TRPM3: variants seen among roughly 807,000 people sequenced by gnomAD.
TRPM3 encodes the protein long transient receptor potential channel 3.
TRPM3 carries 77 observed loss-of-function variants against 181.2 expected under a neutral mutation model. The ratio of observed to expected loss-of-function variants is 0.42; its 90% CI spans 0.35 to 0.51. The LOEUF (loss-of-function observed/expected upper bound fraction) is 0.51. Ranked by LOEUF, TRPM3 falls within the 20% of genes least tolerant of loss-of-function variation. The pLI is 0.01. For synonymous variants in TRPM3, 745 were observed against 796.4 expected, an observed-to-expected ratio of 0.94 and a Z score of 1.09; for missense variants, 1,759 against 2,196.7, an observed-to-expected ratio of 0.80 and a Z score of 3.98.
chr9:70,819,267 C>T (rs2092963838), intron 6 of TRPM3, among the ~76,000 whole-genome samples: 1 of 152,156 alleles, frequency 6.6e-6, no homozygotes, highest in Non-Finnish European at 1.5e-5. Context: ...CAAATCCCAC[C>T]TCTCACATTT....
intron 1 of TRPM3, among the ~76,000 whole-genome samples, chr9:71,146,736 C>G (rs1176061914): frequency 2.6e-5 from 4 of 152,156 alleles, no homozygotes; most frequent in Non-Finnish European, 5.9e-5. Flanking sequence ...ATGACCACAG[C>G]ACATTGAACA....
intron 1 of TRPM3, among the ~76,000 whole-genome samples, chr9:71,378,774 T>C (rs573829535): frequency 3.2e-4 from 49 of 152,204 alleles, no homozygotes; most frequent in African/African-American, 1.1e-3. Flanking sequence ...AAATCATACT[T>C]GCTAATTAAA....
At chr9:70,650,831 A>G (rs2059510034) in intron 9 of TRPM3, among the ~76,000 whole-genome samples, 1 of 152,130 alleles carries the variant, frequency 6.6e-6, no homozygotes, top group African/African-American at 2.4e-5. Context: ...CTTGAGTGCT[A>G]TTCATACTTT....
chr9:71,195,965 A>T (rs1437828414), intron 1 of TRPM3, among the ~76,000 whole-genome samples: 1 of 151,560 alleles, frequency 6.6e-6, no homozygotes, highest in Non-Finnish European at 1.5e-5. Flanking sequence ...CAGAGGATGG[A>T]GAGGAGCCAC....
At chr9:71,116,036 A>G (rs766874600) in intron 1 of TRPM3, among the ~76,000 whole-genome samples, 2 of 152,138 alleles carry the variant, frequency 1.3e-5, no homozygotes, top group Non-Finnish European at 2.9e-5. Context: ...CTGAGATGGA[A>G]AGATGGAAGT....
intron 7 of TRPM3, among the ~76,000 whole-genome samples, chr9:70,778,422 C>T (rs2081861528): frequency 6.6e-6 from 1 of 152,120 alleles, no homozygotes; most frequent in South Asian, 2.1e-4. Flanking sequence ...CATCTTCCAA[C>T]AGGCCCATGC....
In TRPM3 at chr9:70,535,298, G is replaced by T; in HGVS notation, c.*655C>A. The T allele has an allele frequency of 1.0e-6, 1 of 970,242 alleles. No individual in the cohort carries two copies. The highest frequency in any genetic ancestry group is 1.5e-6 in the Non-Finnish European group (1 of 655,038). The allele number at this position is 970,242 out of a possible 1,614,324, so 60.1% of individuals were successfully genotyped here. On this transcript the variant is annotated 3_prime_UTR_variant, in exon 26 of 26. Coordinates refer to ENST00000677713, the MANE Select transcript of TRPM3 (RefSeq NM_001366145.2). ...CTTCAAAAAAGGATAAACAGTTGTG[G>T]CACCAGAAGTGAATAGATAAGAGAC... is the stretch of plus-strand genomic sequence containing the variant.
intron 1 of TRPM3, among the ~76,000 whole-genome samples, chr9:71,013,775 T>G (rs992669936): frequency 9.2e-5 from 14 of 152,020 alleles, no homozygotes; most frequent in Non-Finnish European, 2.1e-4. Flanking sequence ...TCCATTGCCA[T>G]CTCTTGTTTT....
rs2993009 is a variant in TRPM3 at position 70,868,734 on chromosome 9, G to A, written c.178-4223C>T. On this transcript the variant is annotated intron_variant, in intron 1 of 25. Transcript: ENST00000677713. Reference sequence around the variant, plus strand: ...AGTATTTGCAAGATTAGGAAAAAGGGTCCACTAACTTTATAGGAACAAATT... The same window carrying A: ...AGTATTTGCAAGATTAGGAAAAAGGATCCACTAACTTTATAGGAACAAATT... Among the ~76,000 whole-genome samples the A allele has an allele frequency of 2.5e-3, 386 of 152,100 alleles. 4 individuals are homozygous for A. Among genetic ancestry groups the A allele is most frequent in the African/African-American group, 9.1e-3 (376 of 41,536 alleles).
chr9:71,350,192 C>A (rs1320595772), intron 1 of TRPM3, among the ~76,000 whole-genome samples: 3 of 152,048 alleles, frequency 2.0e-5, no homozygotes, highest in South Asian at 2.1e-4. Flanking sequence ...GCAAATATCT[C>A]ACAGTCTATG....
intron 1 of TRPM3, among the ~76,000 whole-genome samples, chr9:70,893,941 A>C (rs1248841743): frequency 6.6e-6 from 1 of 152,232 alleles, no homozygotes. Context: ...AATTTCTTCT[A>C]CTGGAAAATG....
At chr9:70,922,668 T>C (rs928343421) in intron 1 of TRPM3, among the ~76,000 whole-genome samples, 1 of 152,184 alleles carries the variant, frequency 6.6e-6, no homozygotes, top group Non-Finnish European at 1.5e-5. Context: ...TTGACTTGGC[T>C]TGTGGCTAAA....
At chr9:71,142,046 A>G (rs1212988674) in intron 1 of TRPM3, among the ~76,000 whole-genome samples, 2 of 152,176 alleles carry the variant, frequency 1.3e-5, no homozygotes, top group African/African-American at 4.8e-5. Context: ...TCAAAACTGG[A>G]GTGTTTCTAT....
rs780712752 is a variant in TRPM3 at position 70,540,043 on chromosome 9, G to A, written c.3708-2638C>T. Among the ~76,000 whole-genome samples, 36 of 152,176 alleles carry A rather than the reference G, an allele frequency of 2.4e-4. 1 individual carries two copies. The highest frequency in any genetic ancestry group is 4.6e-4 in the Non-Finnish European group (31 of 68,022). On this transcript the variant is annotated intron_variant, in intron 25 of 25. Transcript: ENST00000677713. ...TTATAGAGCTGGGGTCCACTATATC[G>A]CTCAGGCTGGTCTTGAACTCTTGGG... is the stretch of plus-strand genomic sequence containing the variant.
At chr9:70,806,605 G>C (rs544293507) in intron 6 of TRPM3, among the ~76,000 whole-genome samples, 1 of 152,060 alleles carries the variant, frequency 6.6e-6, no homozygotes, top group Non-Finnish European at 1.5e-5. Flanking sequence ...CAGAAGAATC[G>C]CTGGAACACG....
At chr9:71,199,741 C>T (rs554786702) in intron 1 of TRPM3, among the ~76,000 whole-genome samples, 7 of 113,524 alleles carry the variant, frequency 6.2e-5, no homozygotes, top group South Asian at 3.1e-4. Flanking sequence ...ATTTTTTTTG[C>T]GTCTATTTGA....
chr9:71,161,361 T>C (rs1386838196), intron 1 of TRPM3, among the ~76,000 whole-genome samples: 1 of 152,144 alleles, frequency 6.6e-6, no homozygotes, highest in East Asian at 1.9e-4. Flanking sequence ...GAAATTCTTT[T>C]AGAGATCTAT....
At chr9:70,919,784 C>CA (rs34469005) in intron 1 of TRPM3, among the ~76,000 whole-genome samples, 40,296 of 130,536 alleles carry the variant, frequency 0.31, 5,919 homozygotes, top group Middle Eastern at 0.38. Context: ...AACTCCATTT[C>CA]AAAAAAAAAA....
intron 1 of TRPM3, among the ~76,000 whole-genome samples, chr9:71,063,325 T>C (rs1399138707): frequency 2.6e-5 from 4 of 152,174 alleles, no homozygotes; most frequent in African/African-American, 9.6e-5. Context: ...AATTCTTTTA[T>C]GAAATCAGTA....
Sources: allele counts gnomAD v4.1 joint callset (sites outside exome capture counted in the v4.1 genomes callset), GRCh38; gene constraint gnomAD v4.1.1; transcripts MANE v1.5; gene names NCBI Gene and HGNC (gene_info 2026-07-23, HGNC 2026-07-21).